FCHSD2: variants seen among roughly 807,000 people sequenced by gnomAD.
The protein encoded by FCHSD2 is FCH and double SH3 domains 2, also known as F-BAR and double SH3 domains protein 2.
FCHSD2 carries 38 observed loss-of-function variants against 108.1 expected under a neutral mutation model. The ratio of observed to expected loss-of-function variants is 0.35; its 90% CI spans 0.27 to 0.46. The LOEUF (loss-of-function observed/expected upper bound fraction) is 0.46, where lower values mean the gene tolerates loss of function less well. FCHSD2 is among the 20% of genes least tolerant of loss of function. The pLI, the probability that FCHSD2 is intolerant of heterozygous loss-of-function variation, is 1.00. For missense variants in FCHSD2, 751 were observed against 897.8 expected, an observed-to-expected ratio of 0.84 and a Z score of 2.09; for synonymous variants, 279 against 314.7, an observed-to-expected ratio of 0.89 and a Z score of 1.20.
intron 8 of FCHSD2, among the ~76,000 whole-genome samples, chr11:72,966,325 A>G (rs1799274808): frequency 6.6e-6 from 1 of 151,968 alleles, no homozygotes; most frequent in African/African-American, 2.4e-5. Flanking sequence ...ACACTCAGCT[A>G]ATTTTTGCAT....
intron 3 of FCHSD2, among the ~76,000 whole-genome samples, chr11:73,083,129 G>C (rs372187815): frequency 3.3e-5 from 5 of 152,194 alleles, no homozygotes; most frequent in Admixed American, 6.5e-5. Flanking sequence ...CAACAAACTT[G>C]TAAAAAGTAT....
intron 12 of FCHSD2, among the ~76,000 whole-genome samples, chr11:72,882,829 A>T (rs1855117666): frequency 6.6e-6 from 1 of 152,234 alleles, no homozygotes; most frequent in Non-Finnish European, 1.5e-5. Context: ...AAATGCCCGC[A>T]GTCTTTTTTT....
intron 14 of FCHSD2, 90 bp downstream of exon 14, chr11:72,849,664 TA>T: frequency 9.9e-7 from 1 of 1,010,438 alleles, no homozygotes; most frequent in Non-Finnish European, 1.5e-6. Context: ...AATTTTATGC[TA>T]AGTACAGCTT....
At chr11:72,964,755 T>C (rs1456077260) in intron 8 of FCHSD2, among the ~76,000 whole-genome samples, 1 of 151,928 alleles carries the variant, frequency 6.6e-6, no homozygotes, top group Non-Finnish European at 1.5e-5. Flanking sequence ...GCTGCCAGAG[T>C]AATCCTTCCA....
chr11:73,081,681 T>C (rs1234852338), intron 3 of FCHSD2, among the ~76,000 whole-genome samples: 1 of 152,024 alleles, frequency 6.6e-6, no homozygotes, highest in Non-Finnish European at 1.5e-5. Flanking sequence ...CATGTGCCAC[T>C]GCACTTGGCT....
intron 2 of FCHSD2, among the ~76,000 whole-genome samples, chr11:73,139,460 C>T (rs1461639664): frequency 6.6e-6 from 1 of 152,144 alleles, no homozygotes; most frequent in East Asian, 1.9e-4. Context: ...AAGAAAGATA[C>T]TGATTTTCAC....
intron 9 of FCHSD2, among the ~76,000 whole-genome samples, chr11:72,905,519 A>T (rs1198145511): frequency 6.6e-6 from 1 of 152,196 alleles, no homozygotes; most frequent in Non-Finnish European, 1.5e-5. Flanking sequence ...TACATGTGCC[A>T]TGCTGGTTTG....
chr11:73,068,813 T>TAAAAAAA (rs1237723120), intron 3 of FCHSD2, among the ~76,000 whole-genome samples: 854 of 82,402 alleles, frequency 0.01, no homozygotes, highest in Non-Finnish European at 0.013. Context: ...CTACAAAAAG[T>TAAAAAAA]AAAAAAAAAA....
At chr11:73,043,337 G>A (rs1023256481) in intron 3 of FCHSD2, among the ~76,000 whole-genome samples, 6 of 152,166 alleles carry the variant, frequency 3.9e-5, no homozygotes, top group African/African-American at 1.4e-4. Flanking sequence ...AATATTATCA[G>A]TTTCCATAAG....
At chr11:72,923,393 G>C (rs1025026659) in intron 8 of FCHSD2, among the ~76,000 whole-genome samples, 8 of 152,094 alleles carry the variant, frequency 5.3e-5, no homozygotes, top group Non-Finnish European at 1.2e-4. Context: ...TCCAGTGACT[G>C]CAACATTTTA....
In FCHSD2 at chr11:73,015,710, A is replaced by T. The variant is rs1446846719; in HGVS notation, c.242+99T>A. On this transcript the variant is annotated intron_variant, in intron 4 of 19. Coordinates refer to ENST00000409418, the MANE Select transcript of FCHSD2 (RefSeq NM_014824.3). ...ATCCGAAAACACAGCAGAGGAAAGA[A>T]GTAATTCTTTTAAAAACTAGAGTGT... 6.3e-6 allele frequency: 4 copies of T among 634,522 alleles called. No individual in the cohort carries two copies. In the African/African-American group the frequency reaches 7.6e-5, roughly 12 times the overall value. 39.3% of individuals were successfully genotyped at this position (634,522 alleles called of 1,614,324 possible).
intron 3 of FCHSD2, among the ~76,000 whole-genome samples, chr11:73,043,877 G>A (rs776113723): frequency 2.0e-5 from 3 of 152,132 alleles, no homozygotes; most frequent in African/African-American, 7.2e-5. Context: ...AAGATCAAAG[G>A]AGCCTGGACT....
At chr11:73,118,093 G>C (rs1860645579) in intron 2 of FCHSD2, among the ~76,000 whole-genome samples, 1 of 152,196 alleles carries the variant, frequency 6.6e-6, no homozygotes, top group Non-Finnish European at 1.5e-5. Flanking sequence ...AAGGTGGGCA[G>C]ATCACTGGAG....
intron 8 of FCHSD2, among the ~76,000 whole-genome samples, chr11:72,935,200 T>C (rs1856276497): frequency 6.6e-6 from 1 of 152,178 alleles, no homozygotes. Context: ...GTAAATGTCC[T>C]AGAACTTGTT....
chr11:72,885,371 G>A (rs1182199472), intron 12 of FCHSD2, among the ~76,000 whole-genome samples: 2 of 152,136 alleles, frequency 1.3e-5, no homozygotes, highest in Non-Finnish European at 2.9e-5. Flanking sequence ...TGAGAATGTA[G>A]ACTTAAATAC....
At chr11:73,068,828 A>G (rs1200252161) in intron 3 of FCHSD2, among the ~76,000 whole-genome samples, 24 of 149,488 alleles carry the variant, frequency 1.6e-4, no homozygotes, top group Non-Finnish European at 3.0e-4. Flanking sequence ...AAAAAAAAAA[A>G]AAAAGAAAAA....
At position 73,142,088 on chromosome 11, in the gene FCHSD2, C is replaced by G. The variant is rs1390322735; in HGVS notation, c.-211G>C. ...GTGTGAGGAGACGAGGGAGGAGCACCGGGAAGGCTTGGGGCCCGGGCGGCC... is the reference window on the plus strand; with the variant it reads ...GTGTGAGGAGACGAGGGAGGAGCACGGGGAAGGCTTGGGGCCCGGGCGGCC... On this transcript the variant is annotated 5_prime_UTR_variant, in exon 1 of 20. Transcript: ENST00000409418. The G allele has an allele frequency of 3.2e-5, 15 of 468,722 alleles. No homozygotes were observed. In the East Asian group the frequency reaches 6.0e-4, roughly 19 times the overall value. The allele number at this position is 468,722 out of a possible 1,614,324, so 29.0% of individuals were successfully genotyped here. A position where few individuals can be genotyped will look rare whatever the true frequency, so the allele number is the denominator to read the frequency against.
chr11:73,094,521 G>A (rs560073516), intron 2 of FCHSD2, among the ~76,000 whole-genome samples: 1 of 152,128 alleles, frequency 6.6e-6, no homozygotes, highest in South Asian at 2.1e-4. Flanking sequence ...TCCATCAATG[G>A]GATCATGGAT....
At chr11:72,988,831 T>C in intron 6 of FCHSD2, 133 bp downstream of exon 6, 2 of 614,014 alleles carry the variant, frequency 3.3e-6, no homozygotes, top group East Asian at 2.9e-5. Flanking sequence ...CTAAAGTATA[T>C]AACACATGTA....
Sources: allele counts gnomAD v4.1 joint callset (sites outside exome capture counted in the v4.1 genomes callset), GRCh38; gene constraint gnomAD v4.1.1; transcripts MANE v1.5; gene names NCBI Gene and HGNC (gene_info 2026-07-23, HGNC 2026-07-21).